Variants in CHD2 observed in about 807,000 individuals in gnomAD.
The protein encoded by CHD2 is chromodomain helicase DNA binding protein 2.
A neutral mutation model predicts 243.9 loss-of-function variants in CHD2; 28 were observed. The observed-to-expected ratio is 0.11, with a 90% CI of 0.09 to 0.16. The LOEUF (loss-of-function observed/expected upper bound fraction) is 0.16. Ranked by LOEUF, CHD2 falls within the 10% of genes least tolerant of loss-of-function variation. The pLI, the probability that CHD2 is intolerant of heterozygous loss-of-function variation, is 1.00. For synonymous variants in CHD2, 775 were observed against 779.0 expected, an observed-to-expected ratio of 0.99 and a Z score of 0.09; for missense variants, 1,386 against 2,209.8, an observed-to-expected ratio of 0.63 and a Z score of 7.47.
At chr15:92,949,232 A>T in intron 13 of CHD2, 156 bp downstream of exon 13, 1 of 1,454,486 alleles carries the variant, frequency 6.9e-7, no homozygotes, top group Admixed American at 2.9e-5. Context: ...TGATTGAGAG[A>T]AATGCTTCCT....
rs1479741459 is a variant in CHD2, at chr15:93,012,406, T to C, written c.4654T>C (p.Tyr1552His). 1 of 1,607,866 alleles carries C rather than the reference T, an allele frequency of 6.2e-7. No homozygotes were observed. Among genetic ancestry groups the C allele is most frequent in the African/African-American group, 1.3e-5 (1 of 74,614 alleles). Residue 1552 changes from tyrosine to histidine, a missense_variant, in exon 36 of 39, where the codon TAC becomes CAC. Tyr to His is a moderately conservative substitution (Grantham distance 83). This residue lies in a region of CHD2 where 11 missense variants were observed against 47.7 expected (regional missense o/e 0.23). Transcript: ENST00000394196. ...TGATGCTCGAAAACTGCATAAGTTA[T>C]ACAAGATGGCTCATAAGAAAAGGTC... The part of the protein sequence containing the change: ...EFDARKLHKL[Y>H]KMAHKKRSQE...
chr15:92,954,757 C>A (rs1275480052), intron 14 of CHD2, among the ~76,000 whole-genome samples: 1 of 152,160 alleles, frequency 6.6e-6, no homozygotes, highest in African/African-American at 2.4e-5. Context: ...GTTCTTTTTA[C>A]CCCCACTTGG....
intron 4 of CHD2, 54 bp from the exon 5 acceptor site, chr15:92,928,976 C>T (rs977635611): frequency 1.0e-5 from 16 of 1,535,910 alleles, no homozygotes; most frequent in East Asian, 4.6e-5. Flanking sequence ...AGTGTTGTCC[C>T]GAAGAACTGT....
chr15:92,960,049 TCA>T (rs1281576471), intron 16 of CHD2, among the ~76,000 whole-genome samples: 2 of 152,194 alleles, frequency 1.3e-5, no homozygotes, highest in South Asian at 2.1e-4. Context: ...ATAATTTTTC[TCA>T]GTGTTTAGTG....
At chr15:92,970,413 C>G (rs1337191721) in intron 17 of CHD2, among the ~76,000 whole-genome samples, 1 of 152,146 alleles carries the variant, frequency 6.6e-6, no homozygotes, top group Non-Finnish European at 1.5e-5. Flanking sequence ...GTTGGTCAGG[C>G]TGGTCTCGAA....
intron 2 of CHD2, among the ~76,000 whole-genome samples, chr15:92,912,217 C>T (rs1462186268): frequency 6.6e-6 from 1 of 152,164 alleles, no homozygotes; most frequent in East Asian, 1.9e-4. Flanking sequence ...TTTTAAAAGC[C>T]AAGCTCCCTG....
chr15:92,926,891 C>T (rs2053072250), intron 3 of CHD2, among the ~76,000 whole-genome samples: 1 of 152,182 alleles, frequency 6.6e-6, no homozygotes, highest in Non-Finnish European at 1.5e-5. Flanking sequence ...GCAGTCAAGA[C>T]TGAAACTCAA....
chr15:92,910,381 T>C (rs1233006453), intron 2 of CHD2, among the ~76,000 whole-genome samples: 1 of 152,128 alleles, frequency 6.6e-6, no homozygotes. Context: ...GTGGGTGACC[T>C]TAGGTCCTGC....
Position 92,900,383 on chromosome 15 carries a change from C to G in CHD2, c.-513C>G, listed in dbSNP as rs2052512655. Reference sequence around the variant, plus strand: ...CCTTAGAGAGAGCGCGCTCTGCTCCCTGCCTTTGCCTCACTTTACGCAACT... The same window carrying G: ...CCTTAGAGAGAGCGCGCTCTGCTCCGTGCCTTTGCCTCACTTTACGCAACT... On this transcript the variant is annotated 5_prime_UTR_variant, in exon 1 of 39. Transcript: ENST00000394196. 2.5e-6 allele frequency: 1 copy of G among 393,618 alleles called. No homozygotes were observed. Among genetic ancestry groups the G allele is most frequent in the Non-Finnish European group, 4.5e-6 (1 of 223,576 alleles). 24.4% of individuals were successfully genotyped at this position (393,618 alleles called of 1,614,324 possible).
chr15:92,905,943 A>G (rs1007996133), intron 2 of CHD2, among the ~76,000 whole-genome samples: 1 of 152,208 alleles, frequency 6.6e-6, no homozygotes. Flanking sequence ...TTGTGTTAAT[A>G]GTATTTGCTG....
intron 27 of CHD2, among the ~76,000 whole-genome samples, chr15:92,992,019 T>A (rs1322134258): frequency 6.6e-6 from 1 of 152,212 alleles, no homozygotes; most frequent in Admixed American, 6.5e-5. Context: ...CTATAAGCAT[T>A]TAGAAAATAA....
At chr15:92,914,070 A>G (rs2052790207) in intron 2 of CHD2, among the ~76,000 whole-genome samples, 1 of 152,210 alleles carries the variant, frequency 6.6e-6, no homozygotes, top group African/African-American at 2.4e-5. Context: ...TGAAAGCACC[A>G]TATATTTTAT....
At chr15:92,929,600 T>C (rs1007681971) in intron 5 of CHD2, among the ~76,000 whole-genome samples, 2 of 152,180 alleles carry the variant, frequency 1.3e-5, no homozygotes, top group African/African-American at 4.8e-5. Flanking sequence ...CTTTATAACA[T>C]AGATTTATAT....
At chr15:92,982,363 A>G (rs2053990595) in intron 24 of CHD2, among the ~76,000 whole-genome samples, 1 of 152,188 alleles carries the variant, frequency 6.6e-6, no homozygotes, top group Non-Finnish European at 1.5e-5. Flanking sequence ...TGAGGCAGAA[A>G]GTTGTTGGGA....
chr15:92,984,598 GAC>G, intron 25 of CHD2, 98 bp downstream of exon 25: 1 of 1,173,190 alleles, frequency 8.5e-7, no homozygotes, highest in East Asian at 2.8e-5. Context: ...TTGTTCCCCT[GAC>G]ACAGAGGCTT....
rs3064790 is a variant in CHD2, at chr15:92,961,876, C to CTTTTTTTTTTT, written c.2000+5240_2000+5250dup. 1.0e-3 allele frequency among the ~76,000 whole-genome samples: 82 copies of CTTTTTTTTTTT among 78,600 alleles called. 2 individuals are homozygous for CTTTTTTTTTTT. Among genetic ancestry groups the CTTTTTTTTTTT allele is most frequent in the East Asian group, 2.3e-3 (4 of 1,754 alleles). The allele number at this position is 78,600 out of a possible 152,430, so 51.6% of individuals were successfully genotyped here. Reference sequence around the variant, plus strand: ...GGTTTCTTCCTCTGTTTTTTCTTCTCTTTTTTTTTTTTTTTTTTTTTTTGA... The same window carrying CTTTTTTTTTTT: ...GGTTTCTTCCTCTGTTTTTTCTTCTCTTTTTTTTTTTTTTTTTTTTTTTTTTTTTTTTTTGA... On this transcript the variant is annotated intron_variant, in intron 16 of 38. Transcript: ENST00000394196.
chr15:92,954,703 A>T (rs2053596362), intron 14 of CHD2, among the ~76,000 whole-genome samples: 1 of 152,378 alleles, frequency 6.6e-6, no homozygotes, highest in South Asian at 2.1e-4. Flanking sequence ...AAAAAATTGT[A>T]GTCAGAGAAG....
intron 14 of CHD2, chr15:92,953,986 A>G (rs577966412): frequency 6.2e-6 from 1 of 160,468 alleles, no homozygotes; most frequent in East Asian, 1.8e-4. Flanking sequence ...GTGAGGTTGC[A>G]TAACTTATAA....
At chr15:92,901,663 T>A (rs2052530164) in intron 2 of CHD2, 1 of 379,344 alleles carries the variant, frequency 2.6e-6, no homozygotes, top group Non-Finnish European at 4.7e-6. Context: ...TGCACCATTT[T>A]ACATACAAGG....
Sources: allele counts gnomAD v4.1 joint callset (sites outside exome capture counted in the v4.1 genomes callset), GRCh38; gene constraint gnomAD v4.1.1; regional missense constraint gnomAD v4.1.1; transcripts MANE v1.5; gene names NCBI Gene and HGNC (gene_info 2026-07-23, HGNC 2026-07-21).